The following PCNX1 variants were observed in gnomAD, a reference collection of about 807,000 sequenced individuals.
PCNX1 encodes pecanex 1, also known as pecanex-like protein 1.
Under a neutral mutation model 242.2 loss-of-function variants are expected in PCNX1, and 78 were observed. The ratio of observed to expected loss-of-function variants is 0.32; its 90% confidence interval spans 0.27 to 0.39. The LOEUF is 0.39. PCNX1 is among the 10% of genes least tolerant of loss of function. The pLI is 1.00. For synonymous variants in PCNX1, 1,024 were observed against 1,032.9 expected, an observed-to-expected ratio of 0.99 and a Z score of 0.17; for missense variants, 2,581 against 2,856.5, an observed-to-expected ratio of 0.90 and a Z score of 2.20.
intron 19 of PCNX1, among the ~76,000 whole-genome samples, chr14:71,040,807 C>T (rs145745420): frequency 1.6e-3 from 250 of 152,066 alleles, no homozygotes; most frequent in African/African-American, 5.7e-3. Flanking sequence ...ACCCATTAAC[C>T]ATTGCTACCT....
intron 18 of PCNX1, 128 bp downstream of exon 18, chr14:71,034,164 A>C (rs2060467525): frequency 1.7e-6 from 1 of 579,312 alleles, no homozygotes; most frequent in Admixed American, 3.2e-5. Context: ...TTATAGGATT[A>C]GTTGTACATT....
intron 11 of PCNX1, among the ~76,000 whole-genome samples, chr14:71,018,264 A>G (rs190728948): frequency 6.6e-6 from 1 of 152,126 alleles, no homozygotes; most frequent in Non-Finnish European, 1.5e-5. Context: ...TTTGTATAAG[A>G]TTTTGTGAAT....
intron 26 of PCNX1, among the ~76,000 whole-genome samples, chr14:71,058,288 G>A (rs1166781342): frequency 6.6e-6 from 1 of 152,102 alleles, no homozygotes; most frequent in Non-Finnish European, 1.5e-5. Flanking sequence ...AAATAAAACG[G>A]TGTACCCATT....
intron 1 of PCNX1, among the ~76,000 whole-genome samples, chr14:70,920,157 C>T (rs553960632): frequency 6.6e-6 from 1 of 152,306 alleles, no homozygotes; most frequent in South Asian, 2.1e-4. Context: ...TTTAGATTTA[C>T]AGACAAGTTG....
intron 1 of PCNX1, among the ~76,000 whole-genome samples, chr14:70,927,227 C>T (rs1161727611): frequency 1.3e-5 from 2 of 152,136 alleles, no homozygotes; most frequent in Non-Finnish European, 2.9e-5. Flanking sequence ...AATAGGTGTT[C>T]AGTAAATTGT....
chr14:70,912,226 C>T (rs2055946826), intron 1 of PCNX1, among the ~76,000 whole-genome samples: 1 of 149,858 alleles, frequency 6.7e-6, no homozygotes, highest in African/African-American at 2.5e-5. Flanking sequence ...CAGAGCGAGA[C>T]TCTGTCTCAA....
At chr14:70,966,845 A>T (rs2058394276) in intron 3 of PCNX1, among the ~76,000 whole-genome samples, 1 of 152,240 alleles carries the variant, frequency 6.6e-6, no homozygotes, top group African/African-American at 2.4e-5. Context: ...GAAAAATAGC[A>T]AATGTTAATT....
intron 30 of PCNX1, among the ~76,000 whole-genome samples, chr14:71,090,053 T>G (rs1250156002): frequency 1.3e-5 from 2 of 152,204 alleles, no homozygotes; most frequent in East Asian, 3.8e-4. Context: ...ATTCCCTGTA[T>G]GAATATTAGC....
At chr14:71,082,777 A>G (rs2061888582) in intron 28 of PCNX1, among the ~76,000 whole-genome samples, 1 of 152,116 alleles carries the variant, frequency 6.6e-6, no homozygotes, top group Non-Finnish European at 1.5e-5. Context: ...AATACAGCAC[A>G]CCGATGAGTC....
At chr14:71,050,561 C>T (rs940872983) in intron 22 of PCNX1, 91 bp from the exon 23 acceptor site, 3 of 1,203,508 alleles carry the variant, frequency 2.5e-6, no homozygotes, top group Non-Finnish European at 3.4e-6. Flanking sequence ...GAGAACTTCT[C>T]CTAATACATT....
Position 70,995,784 on chromosome 14 carries a change from A to G in PCNX1, c.2488A>G (p.Lys830Glu), listed in dbSNP as rs749428451. Reference sequence around the variant, plus strand: ...AGGCCAGCAGTCCACAGCCCAGGTCAAAGTCCAGTCCCGCCCCCCTTCCCA... The same window carrying G: ...AGGCCAGCAGTCCACAGCCCAGGTCGAAGTCCAGTCCCGCCCCCCTTCCCA... ...QQGQQSTAQVKVQSRPPSQAA... is the reference protein window; with the variant it reads ...QQGQQSTAQVEVQSRPPSQAA... Residue 830 changes from lysine (K) to glutamate (E), a missense_variant, in exon 8 of 36, where the codon AAA becomes GAA. Physicochemically the swap from Lys to Glu is moderately conservative, Grantham distance 56. Coordinates refer to ENST00000304743, the MANE Select transcript of PCNX1 (RefSeq NM_014982.3). 1.2e-6 allele frequency: 2 copies of G among 1,614,112 alleles called. No individual in the cohort carries two copies. Among genetic ancestry groups the G allele is most frequent in the Admixed American group, 1.7e-5 (1 of 60,014 alleles).
intron 6 of PCNX1, among the ~76,000 whole-genome samples, chr14:70,979,391 T>A (rs2058771873): frequency 6.6e-6 from 1 of 152,040 alleles, no homozygotes; most frequent in Non-Finnish European, 1.5e-5. Flanking sequence ...GATAGGTGAT[T>A]TTATATTCTG....
rs759807930 is a variant in PCNX1 at position 71,013,088 on chromosome 14, G to A, written c.2882G>A (p.Gly961Asp). Residue 961 changes from glycine (G) to aspartate (D), a missense_variant, in exon 11 of 36, where the codon GGC (glycine) becomes GAC (aspartate). By Grantham distance (94) the Gly-to-Asp change is moderately conservative (BLOSUM62 -1). Transcript: ENST00000304743. ...AGCCCTGACTTGGCAGCTACTTACG[G>A]CCCAACAGAAGAAGCTGCCCAAAAG... is the stretch of plus-strand genomic sequence containing the variant. ...DLSPDLAATYGPTEEAAQKVK... is the reference protein window; with the variant it reads ...DLSPDLAATYDPTEEAAQKVK... 4.3e-6 allele frequency: 7 copies of A among 1,613,864 alleles called. No homozygotes were observed. Among genetic ancestry groups the A allele is most frequent in the Non-Finnish European group, 5.9e-6 (7 of 1,179,920 alleles).
intron 11 of PCNX1, among the ~76,000 whole-genome samples, chr14:71,018,682 A>C (rs986991304): frequency 2.6e-4 from 40 of 152,184 alleles, no homozygotes; most frequent in Non-Finnish European, 4.3e-4. Flanking sequence ...TTTGCCATCC[A>C]AGTTGGTTAA....
At chr14:71,036,210 A>T (rs1481582737) in intron 19 of PCNX1, 53 bp downstream of exon 19, 3 of 1,157,628 alleles carry the variant, frequency 2.6e-6, no homozygotes, top group Non-Finnish European at 3.9e-6. Context: ...ACAGGGTCTC[A>T]CTCTGTCACC....
chr14:70,974,559 T>C (rs2058639177), intron 5 of PCNX1, among the ~76,000 whole-genome samples: 1 of 152,260 alleles, frequency 6.6e-6, no homozygotes, highest in Non-Finnish European at 1.5e-5. Context: ...ATTGTTATAC[T>C]TTTTGTGCTT....
chr14:71,045,035 TG>T (rs2060819888), intron 19 of PCNX1, 97 bp from the exon 20 acceptor site: 2 of 766,562 alleles, frequency 2.6e-6, no homozygotes, highest in Non-Finnish European at 4.2e-6. Flanking sequence ...AAATGGACGT[TG>T]TCCATTATCA....
chr14:71,096,295 A>T (rs567202545), intron 30 of PCNX1, among the ~76,000 whole-genome samples: 3 of 152,008 alleles, frequency 2.0e-5, no homozygotes, highest in African/African-American at 7.2e-5. Flanking sequence ...TCCAGCCTGG[A>T]GACAGAGCTA....
intron 3 of PCNX1, among the ~76,000 whole-genome samples, chr14:70,963,496 G>T (rs1426359187): frequency 6.6e-6 from 1 of 152,108 alleles, no homozygotes; most frequent in East Asian, 1.9e-4. Flanking sequence ...TGCCAACTCT[G>T]TCCTGTAGTA....
Sources: gnomAD v4.1 joint callset for allele counts (sites outside exome capture counted in the v4.1 genomes callset) on GRCh38, gnomAD v4.1.1 for gene constraint, MANE v1.5 for transcripts, NCBI Gene and HGNC (gene_info 2026-07-23, HGNC 2026-07-21) for gene names.